The following ACSM2A variants were observed in gnomAD, a reference collection of about 807,000 sequenced individuals.
ACSM2A encodes acyl-coenzyme A synthetase ACSM2A, mitochondrial.
A neutral mutation model predicts 76.6 loss-of-function variants in ACSM2A; 72 were observed. That is an observed-to-expected ratio of 0.94 (90% CI 0.78 to 1.14). The LOEUF (loss-of-function observed/expected upper bound fraction) is 1.14, where lower values mean the gene tolerates loss of function less well. Among genes scored for constraint, ACSM2A ranks in the 50% most tolerant of loss-of-function variants. The pLI is 0.00. For synonymous variants in ACSM2A, 249 were observed against 255.9 expected (o/e 0.97, Z 0.26); for missense variants, 684 against 708.5 (o/e 0.97, Z 0.39).
chr16:20,479,587 A>G (rs1224383310), intron 10 of ACSM2A, among the ~76,000 whole-genome samples: 1 of 152,226 alleles, frequency 6.6e-6, no homozygotes, highest in East Asian at 1.9e-4. Context: ...GATCCAAATG[A>G]TTATTCCTAT....
rs755090324 is a variant in ACSM2A at position 20,471,235 on chromosome 16, C to G, written c.740+19C>G. On this transcript the variant is annotated intron_variant, in intron 5 of 13. Transcript: ENST00000573854. Reference sequence around the variant, plus strand: ...ATGCTGGGTAAGCTGAGCTCTTTCTCTCTACAGAGAATTACATGAGTTTTG... The same window carrying G: ...ATGCTGGGTAAGCTGAGCTCTTTCTGTCTACAGAGAATTACATGAGTTTTG... The G allele has an allele frequency of 8.1e-6, 13 of 1,606,070 alleles. No individual in the cohort carries two copies. The highest frequency in any genetic ancestry group is 6.8e-5 in the Admixed American group (4 of 59,156).
At chr16:20,485,034 C>T (rs1337858463) in intron 13 of ACSM2A, among the ~76,000 whole-genome samples, 1 of 152,136 alleles carries the variant, frequency 6.6e-6, no homozygotes, top group Admixed American at 6.5e-5. Flanking sequence ...CCTCTGTGAT[C>T]CTCAGTTTCC....
intron 1 of ACSM2A, chr16:20,452,613 T>A (rs2011843182): frequency 7.7e-6 from 1 of 129,626 alleles, no homozygotes; most frequent in African/African-American, 3.1e-5. Flanking sequence ...GTTTATAAAA[T>A]ATATATATTC....
chr16:20,470,985 G>C, intron 4 of ACSM2A, 88 bp from the exon 5 acceptor site: 1 of 1,566,730 alleles, frequency 6.4e-7, no homozygotes, highest in African/African-American at 1.4e-5. Flanking sequence ...GCCCTTTTCA[G>C]CACAGTGGGT....
At chr16:20,483,920 C>T (rs1361205710) in intron 13 of ACSM2A, among the ~76,000 whole-genome samples, 1 of 152,018 alleles carries the variant, frequency 6.6e-6, no homozygotes, top group Non-Finnish European at 1.5e-5. Flanking sequence ...CTCTCTTTCA[C>T]CCTTTGACTC....
intron 1 of ACSM2A, among the ~76,000 whole-genome samples, chr16:20,458,842 A>AT (rs1011342856): frequency 2.9e-5 from 4 of 137,840 alleles, no homozygotes; most frequent in African/African-American, 8.0e-5. Flanking sequence ...ATAAAAAAGA[A>AT]TTTTTTATAT....
At chr16:20,480,031 G>T (rs2013992770) in intron 10 of ACSM2A, among the ~76,000 whole-genome samples, 1 of 152,208 alleles carries the variant, frequency 6.6e-6, no homozygotes. Context: ...CAGATAGGAA[G>T]ATGCACTGAC....
rs9926275 is a variant in ACSM2A at position 20,486,709 on chromosome 16, C to T, written c.*31C>T. ...CTAAGAGACATTCATTTGGATTCCC[C>T]TCTTCTTTCTCTTTCTTTTCCCTTT... On this transcript the variant is annotated 3_prime_UTR_variant, in exon 14 of 14. Transcript: ENST00000573854. 7,605 of 1,610,298 alleles carry T rather than the reference C, an allele frequency of 4.7e-3. 312 individuals carry two copies. In the African/African-American group the frequency reaches 0.087, roughly 18 times the overall value.
intron 6 of ACSM2A, among the ~76,000 whole-genome samples, chr16:20,473,304 G>T (rs1262689131): frequency 6.6e-6 from 1 of 152,008 alleles, no homozygotes; most frequent in African/African-American, 2.4e-5. Flanking sequence ...TTCTCAAAAG[G>T]ACTTGAACTG....
intron 5 of ACSM2A, 103 bp from the exon 6 acceptor site, chr16:20,471,433 A>G: frequency 6.6e-7 from 1 of 1,505,558 alleles, no homozygotes. Flanking sequence ...ATACACACAC[A>G]CCTCTGCACA....
chr16:20,470,466 G>A (rs867520053), intron 4 of ACSM2A, among the ~76,000 whole-genome samples: 13 of 152,280 alleles, frequency 8.5e-5, no homozygotes, highest in South Asian at 2.1e-4. Context: ...TCTAGCAGGG[G>A]CACATATGAT....
intron 13 of ACSM2A, 114 bp from the exon 14 acceptor site, chr16:20,486,460 T>G: frequency 8.8e-7 from 1 of 1,140,678 alleles, no homozygotes; most frequent in Non-Finnish European, 1.3e-6. Context: ...ACAGGGCAGC[T>G]GCCCTGAAGT....
At chr16:20,469,022 T>C (rs1363613441) in intron 3 of ACSM2A, among the ~76,000 whole-genome samples, 1 of 152,202 alleles carries the variant, frequency 6.6e-6, no homozygotes, top group African/African-American at 2.4e-5. Context: ...TGTGTGTACA[T>C]AGATATGTAA....
intron 1 of ACSM2A, among the ~76,000 whole-genome samples, chr16:20,458,891 A>AC (rs1204046311): frequency 8.8e-6 from 1 of 113,308 alleles, no homozygotes; most frequent in Non-Finnish European, 1.7e-5. Flanking sequence ...CATAGTATAT[A>AC]TTATATATAT....
rs1261423733 is a variant in ACSM2A at position 20,483,125 on chromosome 16, A to G, written c.1577A>G (p.Glu526Gly). Reference sequence around the variant, plus strand: ...CATGACCCAGAACAGCTCACCAAGGAGCTGCAGCAGCATGTGAAGTCAGTG... The same window carrying G: ...CATGACCCAGAACAGCTCACCAAGGGGCTGCAGCAGCATGTGAAGTCAGTG... The part of the protein sequence containing the change: ...LSHDPEQLTK[E>G]LQQHVKSVTA... The change falls in exon 13 of 14, where the codon GAG becomes GGG. Residue 526 changes from glutamate to glycine, a missense_variant. Around this residue, in one of 3 missense-constraint regions of ACSM2A, gnomAD observed 159 missense variants for 132.5 expected, o/e 1.20. Transcript: ENST00000573854. 6.2e-7 allele frequency: 1 copy of G among 1,613,976 alleles called. No homozygotes were observed. The highest frequency in any genetic ancestry group is 1.3e-5 in the African/African-American group (1 of 74,898).
Position 20,477,457 on chromosome 16 carries a change from C to T in ACSM2A, c.1179+8C>T, listed in dbSNP as rs370665482. 197 of 1,593,966 alleles carry T rather than the reference C, an allele frequency of 1.2e-4. 1 individual carries two copies. In the South Asian group the frequency reaches 1.5e-3, roughly 12 times the overall value. ...TCCTGTTATGATGTACAGGTTTGCTCGGGACACTGAGGAGGGAGGAAGTTA... is the reference window on the plus strand; with the variant it reads ...TCCTGTTATGATGTACAGGTTTGCTTGGGACACTGAGGAGGGAGGAAGTTA... On this transcript the variant is annotated splice_region_variant and intron_variant, in intron 9 of 13. Coordinates refer to ENST00000573854, the MANE Select transcript of ACSM2A (RefSeq NM_001308172.2).
chr16:20,480,625 G>A lies in ACSM2A; in HGVS notation c.1334G>A (p.Gly445Glu). ...ATTCGAGGAGACTTTTGGCTCCTTGGAGACCGGGGAATCAAAGATGAAGAT... is the reference window on the plus strand; with the variant it reads ...ATTCGAGGAGACTTTTGGCTCCTTGAAGACCGGGGAATCAAAGATGAAGAT... ...ANIRGDFWLL[G>E]DRGIKDEDGY... The change falls in exon 11 of 14, where the codon GGA becomes GAA. Residue 445 changes from glycine to glutamate, a missense_variant. Around this residue, in one of 3 missense-constraint regions of ACSM2A, gnomAD observed 519 missense variants for 549.5 expected, o/e 0.94. Coordinates refer to ENST00000573854, the MANE Select transcript of ACSM2A (RefSeq NM_001308172.2). The A allele has an allele frequency of 1.9e-6, 3 of 1,613,582 alleles. No homozygotes were observed. The South Asian group carries it at 3.3e-5, about 18-fold the overall frequency.
intron 13 of ACSM2A, among the ~76,000 whole-genome samples, chr16:20,483,601 A>AAAAAAT (rs1432023504): frequency 7.1e-6 from 1 of 141,120 alleles, no homozygotes; most frequent in Non-Finnish European, 1.5e-5. Context: ...AAAAAAAAAA[A>AAAAAAT]AGTCTTTCTA....
At chr16:20,466,795 G>T (rs1326851182) in intron 3 of ACSM2A, among the ~76,000 whole-genome samples, 1 of 152,090 alleles carries the variant, frequency 6.6e-6, no homozygotes, top group Non-Finnish European at 1.5e-5. Context: ...CCAGACTTAG[G>T]GTTTACCATA....
Sources: allele counts gnomAD v4.1 joint callset (sites outside exome capture counted in the v4.1 genomes callset), GRCh38; gene constraint gnomAD v4.1.1; regional missense constraint gnomAD v4.1.1; transcripts MANE v1.5; gene names NCBI Gene and HGNC (gene_info 2026-07-23, HGNC 2026-07-21).